The following PEAR1 variants were observed in gnomAD, a reference collection of about 807,000 sequenced individuals.
PEAR1 encodes the protein multiple EGF-like domains protein 12.
In PEAR1, 113 loss-of-function variants were observed where a neutral mutation model predicts 131.2. That is an observed-to-expected ratio of 0.86 (90% CI 0.74 to 1.01). PEAR1 has a LOEUF of 1.01. Among genes scored for constraint, PEAR1 ranks in the 50% least tolerant of loss-of-function variants. The pLI, the probability that PEAR1 is intolerant of heterozygous loss-of-function variation, is 0.00. For synonymous variants in PEAR1, 565 were observed against 523.3 expected (o/e 1.08, Z -1.09); for missense variants, 1,408 against 1,391.1 (o/e 1.01, Z -0.19).
At chr1:156,894,856 G>C (rs1649007748) in intron 1 of PEAR1, among the ~76,000 whole-genome samples, 1 of 152,224 alleles carries the variant, frequency 6.6e-6, no homozygotes, top group Admixed American at 6.5e-5. Flanking sequence ...CCGGGTGTCA[G>C]CTCTCAACCC....
intron 17 of PEAR1, 65 bp downstream of exon 17, chr1:156,912,687 A>G: frequency 6.2e-7 from 1 of 1,609,576 alleles, no homozygotes; most frequent in Non-Finnish European, 8.5e-7. Context: ...GGCCCCTCAT[A>G]CAGTCCCTAC....
chr1:156,914,075 C>A lies in PEAR1; in HGVS notation c.2937C>A (p.Tyr979Ter). The change falls in exon 22 of 23, where the codon TAC (tyrosine) becomes TAA (stop). Residue 979 changes from tyrosine to a stop codon, truncating the protein, a stop_gained. Coordinates refer to ENST00000292357, the MANE Select transcript of PEAR1 (RefSeq NM_001080471.3). LOFTEE classifies it high-confidence loss of function. Reference sequence around the variant, plus strand: ...AGCCACAGAGAGACAGTGGCACCTACGAGCAGCCCAGCCCCCTGATCCATG... The same window carrying A: ...AGCCACAGAGAGACAGTGGCACCTAAGAGCAGCCCAGCCCCCTGATCCATG... Reference protein sequence around the residue: ...QPQPQRDSGTYEQPSPLIHDR... With the variant: ...QPQPQRDSGT 1.2e-6 allele frequency: 2 copies of A among 1,604,152 alleles called. No homozygotes were observed. Among genetic ancestry groups the A allele is most frequent in the East Asian group, 2.3e-5 (1 of 44,306 alleles).
In PEAR1 at chr1:156,914,813, A is replaced by G. The variant is rs2101560979; in HGVS notation, c.*15A>G. ...AGGACCGTTGAGGAGCCAGGATGGT[A>G]TGGCAGAGGCCAGCACACCTGGCTG... is the stretch of plus-strand genomic sequence containing the variant. On this transcript the variant is annotated 3_prime_UTR_variant, in exon 23 of 23. Transcript: ENST00000292357. 2 of 1,613,256 alleles carry G rather than the reference A, an allele frequency of 1.2e-6. No individual in the cohort carries two copies. The highest frequency in any genetic ancestry group is 1.7e-6 in the Non-Finnish European group (2 of 1,179,500).
In PEAR1 at chr1:156,902,563, G is replaced by C. The variant is rs887241835; in HGVS notation, c.-9-1355G>C. ...GGAAGGAGCGGCTGCCCTTCTTGGG[G>C]CTGAGAGTGGCTTTGGGGACCCTGG... On this transcript the variant is annotated intron_variant, in intron 1 of 22. Transcript: ENST00000292357. The surrounding 1 kb of genome is among the most constrained non-coding windows in gnomAD (Gnocchi z 4.3). Among the ~76,000 whole-genome samples, 2 of 152,130 alleles carry C rather than the reference G, an allele frequency of 1.3e-5. No homozygotes were observed. The highest frequency in any genetic ancestry group is 2.9e-5 in the Non-Finnish European group (2 of 68,012).
Position 156,894,752 on chromosome 1 carries a change from G to C in PEAR1, c.-10+915G>C, listed in dbSNP as rs142135020. Among the ~76,000 whole-genome samples the C allele has an allele frequency of 4.8e-3, 738 of 152,280 alleles. 6 individuals carry two copies. The highest frequency in any genetic ancestry group is 0.01 in the Middle Eastern group (3 of 294). ...CCTGTTATGAGTGGCCTCTCCTGGG[G>C]CTGGGCTGTGACCCTAGTCCCCGGG... On this transcript the variant is annotated intron_variant, in intron 1 of 22. Transcript: ENST00000292357.
At chr1:156,903,671 T>C (rs11264579) in intron 1 of PEAR1, among the ~76,000 whole-genome samples, 58,725 of 152,040 alleles carry the variant, frequency 0.39, 15,033 homozygotes, top group East Asian at 0.8. Context: ...CCTTGAAAGA[T>C]GGGAACTCCA....
Position 156,908,671 on chromosome 1 carries a change from G to C in PEAR1, c.1132G>C (p.Gly378Arg), listed in dbSNP as rs1028593647. ...TGCCCCCAGCTGCCACCCGATGAAC[G>C]GGGAGTGCTCCTGCCTGCCGGGCTG... is the stretch of plus-strand genomic sequence containing the variant. ...EHSLSCHPMN[G>R]ECSCLPGWAG... Residue 378 changes from glycine (G) to arginine (R), a missense_variant, in exon 10 of 23, where the codon GGG (glycine) becomes CGG (arginine). Gly to Arg is a moderately radical substitution (Grantham distance 125). Coordinates refer to ENST00000292357, the MANE Select transcript of PEAR1 (RefSeq NM_001080471.3). The surrounding 1 kb of genome is among the most constrained non-coding windows in gnomAD (Gnocchi z 4.2). The C allele has an allele frequency of 7.8e-6, 12 of 1,529,992 alleles. No homozygotes were observed. The Admixed American group carries it at 1.2e-4, about 15-fold the overall frequency. 94.8% of individuals were successfully genotyped at this position (1,529,992 alleles called of 1,614,324 possible). A position where few individuals can be genotyped will look rare whatever the true frequency, so the allele number is the denominator to read the frequency against.
Position 156,904,758 on chromosome 1 carries a change from A to G in PEAR1, c.112A>G (p.Thr38Ala). The G allele has an allele frequency of 6.2e-7, 1 of 1,610,728 alleles. No homozygotes were observed. The highest frequency in any genetic ancestry group is 8.5e-7 in the Non-Finnish European group (1 of 1,178,780). ...TTCCCTGTCTTGCAGCTTCACTACCACCACCAAGGAGTCCCACTCCCGCCC... is the reference window on the plus strand; with the variant it reads ...TTCCCTGTCTTGCAGCTTCACTACCGCCACCAAGGAGTCCCACTCCCGCCC... ...TCSFWESFTT[T>A]TKESHSRPFS... Residue 38 changes from threonine to alanine, a missense_variant, in exon 3 of 23, where the codon ACC (threonine) becomes GCC (alanine). Coordinates refer to ENST00000292357, the MANE Select transcript of PEAR1 (RefSeq NM_001080471.3).
At chr1:156,905,290 G>A (rs767107893) in intron 3 of PEAR1, 34 bp from the exon 4 acceptor site, 1 of 1,598,534 alleles carries the variant, frequency 6.3e-7, no homozygotes, top group Non-Finnish European at 8.5e-7. Context: ...CGGACAGCAG[G>A]GAGGGCTGAG....
chr1:156,909,696 C>T, intron 11 of PEAR1, 55 bp from the exon 12 acceptor site: 2 of 1,547,344 alleles, frequency 1.3e-6, no homozygotes, highest in Non-Finnish European at 8.8e-7. Flanking sequence ...CCACTGTGTG[C>T]TTGCTCAGGA....
intron 1 of PEAR1, among the ~76,000 whole-genome samples, chr1:156,896,604 G>A (rs146650297): frequency 6.6e-6 from 1 of 152,216 alleles, no homozygotes; most frequent in Non-Finnish European, 1.5e-5. Flanking sequence ...GCTCACTGCT[G>A]GTGGGTGCTC....
At position 156,902,712 on chromosome 1, in the gene PEAR1, C is replaced by T. The variant is rs1280870893; in HGVS notation, c.-9-1206C>T. On this transcript the variant is annotated intron_variant, in intron 1 of 22. Coordinates refer to ENST00000292357, the MANE Select transcript of PEAR1 (RefSeq NM_001080471.3). This position sits in a 1 kb window ranked among gnomAD's most constrained non-coding sequence, Gnocchi z 4.3. Reference sequence around the variant, plus strand: ...CAGAAAAATTATAAGCAGATGTGGGCGCCTCGGGGAGGCGTAGAGCAGGGA... The same window carrying T: ...CAGAAAAATTATAAGCAGATGTGGGTGCCTCGGGGAGGCGTAGAGCAGGGA... Among the ~76,000 whole-genome samples, 3 of 152,044 alleles carry T rather than the reference C, an allele frequency of 2.0e-5. No homozygotes were observed. The highest frequency in any genetic ancestry group is 2.1e-4 in the South Asian group (1 of 4,822).
intron 15 of PEAR1, among the ~76,000 whole-genome samples, chr1:156,911,987 G>A (rs1454398658): frequency 6.6e-6 from 1 of 152,244 alleles, no homozygotes; most frequent in Non-Finnish European, 1.5e-5. Flanking sequence ...GTGTGGCACT[G>A]AATACACTAT....
rs780290272 is a variant in PEAR1, at chr1:156,909,017, C to T, written c.1392C>T (p.Gly464=). 3 of 1,613,908 alleles carry T rather than the reference C, an allele frequency of 1.9e-6. No homozygotes were observed. The highest frequency in any genetic ancestry group is 2.5e-6 in the Non-Finnish European group (3 of 1,179,990). The change falls in exon 11 of 23, where the codon GGC becomes GGT. Residue 464 remains glycine (G), a synonymous_variant. Transcript: ENST00000292357. ...CCATCGCCTGCTCACCCATCGACGGCGAGTGCGTCTGCAAGGAAGGTAATA... is the reference window on the plus strand; with the variant it reads ...CCATCGCCTGCTCACCCATCGACGGTGAGTGCGTCTGCAAGGAAGGTAATA... ...ENAIACSPID[G]ECVCKEGWQR... is the part of the protein sequence containing the mutation.
rs1268796238 is a variant in PEAR1, at chr1:156,908,872, G to A, written c.1290+43G>A. Reference sequence around the variant, plus strand: ...GCAAGGAAGCGAGGCAGGTGGAGAGGCCAAGGAATGGGCCGCCCCTCTCAC... The same window carrying A: ...GCAAGGAAGCGAGGCAGGTGGAGAGACCAAGGAATGGGCCGCCCCTCTCAC... On this transcript the variant is annotated intron_variant, in intron 10 of 22. Coordinates refer to ENST00000292357, the MANE Select transcript of PEAR1 (RefSeq NM_001080471.3). This position sits in a 1 kb window ranked among gnomAD's most constrained non-coding sequence, Gnocchi z 4.2. 2.5e-6 allele frequency: 4 copies of A among 1,608,334 alleles called. No homozygotes were observed. The highest frequency in any genetic ancestry group is 3.4e-6 in the Non-Finnish European group (4 of 1,178,820).
chr1:156,913,129 C>G, intron 18 of PEAR1, 65 bp from the exon 19 acceptor site: 1 of 1,570,826 alleles, frequency 6.4e-7, no homozygotes, highest in Non-Finnish European at 8.7e-7. Context: ...TCTCCGGGGA[C>G]AAAACAGCTC....
Position 156,894,685 on chromosome 1 carries a change from G to A in PEAR1, c.-10+848G>A, listed in dbSNP as rs370328543. ...AAGGCAACCCTTCACCCCCACCCCC[G>A]TCTCCAGCCTCCAGTAGCTGCTCTC... On this transcript the variant is annotated intron_variant, in intron 1 of 22. Coordinates refer to ENST00000292357, the MANE Select transcript of PEAR1 (RefSeq NM_001080471.3). 2.1e-3 allele frequency among the ~76,000 whole-genome samples: 324 copies of A among 152,290 alleles called. 1 individual carries two copies. The highest frequency in any genetic ancestry group is 4.0e-3 in the Non-Finnish European group (271 of 68,008).
rs575205886 is a variant in PEAR1 at position 156,905,083 on chromosome 1, G to A, written c.206+231G>A. ...TGTTACAGTATATGCCTGTGGGGTT[G>A]GGGGGGGGGCAAGAAGGGAATGCTC... is the stretch of plus-strand genomic sequence containing the variant. On this transcript the variant is annotated intron_variant, in intron 3 of 22. Coordinates refer to ENST00000292357, the MANE Select transcript of PEAR1 (RefSeq NM_001080471.3). 2.4e-3 allele frequency: 1,432 copies of A among 599,804 alleles called. 15 individuals carry two copies. The African/African-American group carries it at 0.052, about 22-fold the overall frequency. 37.2% of individuals were successfully genotyped at this position (599,804 alleles called of 1,614,324 possible). A position where few individuals can be genotyped will look rare whatever the true frequency, so the allele number is the denominator to read the frequency against.
At position 156,908,671 on chromosome 1, in the gene PEAR1, G is replaced by T. The variant is rs1028593647; in HGVS notation, c.1132G>T (p.Gly378Trp). ...EHSLSCHPMN[G>W]ECSCLPGWAG... ...TGCCCCCAGCTGCCACCCGATGAAC[G>T]GGGAGTGCTCCTGCCTGCCGGGCTG... is the stretch of plus-strand genomic sequence containing the variant. The change falls in exon 10 of 23, where the codon GGG (glycine) becomes TGG (tryptophan). Residue 378 changes from glycine (G) to tryptophan (W), a missense_variant. Physicochemically the swap from Gly to Trp is radical, Grantham distance 184. Transcript: ENST00000292357. The surrounding 1 kb of genome is among the most constrained non-coding windows in gnomAD (Gnocchi z 4.2). The T allele has an allele frequency of 6.5e-7, 1 of 1,530,110 alleles. No homozygotes were observed. Among genetic ancestry groups the T allele is most frequent in the South Asian group, 1.2e-5 (1 of 83,502 alleles). The allele number at this position is 1,530,110 out of a possible 1,614,324, so 94.8% of individuals were successfully genotyped here. A position where few individuals can be genotyped will look rare whatever the true frequency, so the allele number is the denominator to read the frequency against.
Sources: gnomAD v4.1 joint callset for allele counts (sites outside exome capture counted in the v4.1 genomes callset) on GRCh38, gnomAD v4.1.1 for gene constraint, Gnocchi (gnomAD v3.1) non-coding constraint, MANE v1.5 for transcripts, NCBI Gene and HGNC (gene_info 2026-07-23, HGNC 2026-07-21) for gene names.